The following PUM1 variants were observed in gnomAD, a reference collection of about 807,000 sequenced individuals.
The protein encoded by PUM1 is pumilio homolog 1.
A neutral mutation model predicts 131.8 loss-of-function variants in PUM1; 13 were observed. The observed-to-expected ratio is 0.10, with a 90% confidence interval of 0.06 to 0.16. PUM1 has a LOEUF of 0.16. Among genes scored for constraint, PUM1 ranks in the 10% least tolerant of loss-of-function variants. PUM1 has a pLI of 1.00. For synonymous variants in PUM1, 509 were observed against 556.5 expected, an observed-to-expected ratio of 0.91 and a Z score of 1.20; for missense variants, 961 against 1,512.4, an observed-to-expected ratio of 0.64 and a Z score of 6.05.
intron 5 of PUM1, among the ~76,000 whole-genome samples, chr1:30,998,427 T>C (rs1268410781): frequency 6.6e-6 from 1 of 151,950 alleles, no homozygotes; most frequent in Non-Finnish European, 1.5e-5. Context: ...GGTTGAGGCC[T>C]AGAGTTCAAG....
At chr1:30,990,541 C>T (rs1641747687) in intron 7 of PUM1, among the ~76,000 whole-genome samples, 2 of 151,418 alleles carry the variant, frequency 1.3e-5, no homozygotes, top group Admixed American at 1.3e-4. Context: ...CACCAATTTC[C>T]AATAGAAAAG....
rs886307459 is a variant in PUM1 at position 30,932,612 on chromosome 1, G to C, written c.*599C>G. The C allele has an allele frequency of 6.8e-6, 1 of 146,528 alleles. No homozygotes were observed. The highest frequency in any genetic ancestry group is 1.5e-5 in the Non-Finnish European group (1 of 66,980). The allele number at this position is 146,528 out of a possible 1,614,324, so 9.1% of individuals were successfully genotyped here. A position where few individuals can be genotyped will look rare whatever the true frequency, so the allele number is the denominator to read the frequency against. ...CATAAACTTAATGTCACAAACTGAA[G>C]CTTTAGCAACTCTGAAACCTTTTTC... On this transcript the variant is annotated 3_prime_UTR_variant, in exon 22 of 22. Coordinates refer to ENST00000426105, the MANE Select transcript of PUM1 (RefSeq NM_001020658.2).
chr1:31,052,203 A>G (rs539009207), intron 2 of PUM1, among the ~76,000 whole-genome samples: 6 of 151,858 alleles, frequency 4.0e-5, no homozygotes, highest in Admixed American at 3.9e-4. Context: ...TAGTAGAGAC[A>G]GGGTTTCACC....
chr1:31,033,861 G>A (rs377496922), intron 2 of PUM1, among the ~76,000 whole-genome samples: 7 of 152,110 alleles, frequency 4.6e-5, no homozygotes, highest in African/African-American at 1.4e-4. Context: ...ATCTAGGCTG[G>A]TTTTGAATTC....
At chr1:31,043,632 G>A (rs1643889463) in intron 2 of PUM1, among the ~76,000 whole-genome samples, 2 of 152,288 alleles carry the variant, frequency 1.3e-5, no homozygotes, top group East Asian at 3.9e-4. Context: ...GTCACCAGCA[G>A]ATCAATCAAC....
intron 6 of PUM1, among the ~76,000 whole-genome samples, chr1:30,993,371 T>C (rs966719725): frequency 1.3e-5 from 2 of 149,220 alleles, no homozygotes; most frequent in South Asian, 2.1e-4. Context: ...CAGGGCACTA[T>C]TGATAATTAT....
chr1:30,936,432 T>A (rs1007007544), intron 21 of PUM1, among the ~76,000 whole-genome samples: 1 of 152,180 alleles, frequency 6.6e-6, no homozygotes, highest in African/African-American at 2.4e-5. Flanking sequence ...TAGCTTAAGA[T>A]TCTCATACCA....
Position 30,946,771 on chromosome 1 carries a change from A to G in PUM1, c.2857-1288T>C, listed in dbSNP as rs770535273. ...TTGCACACTGTATTAAAGAATTTCTACATGGCACACAGCCATAATCCCAGC... is the reference window on the plus strand; with the variant it reads ...TTGCACACTGTATTAAAGAATTTCTGCATGGCACACAGCCATAATCCCAGC... On this transcript the variant is annotated intron_variant, in intron 17 of 21. Coordinates refer to ENST00000426105, the MANE Select transcript of PUM1 (RefSeq NM_001020658.2). Among the ~76,000 whole-genome samples the G allele has an allele frequency of 3.9e-4, 59 of 151,956 alleles. 1 individual carries two copies. The highest frequency in any genetic ancestry group is 1.0e-4 in the Non-Finnish European group (7 of 67,998).
chr1:31,064,845 A>G (rs538248419), intron 1 of PUM1, among the ~76,000 whole-genome samples: 7 of 150,784 alleles, frequency 4.6e-5, no homozygotes, highest in Non-Finnish European at 7.4e-5. Flanking sequence ...CTGACAAGTA[A>G]AACAAATGAT....
chr1:31,039,990 AAAT>A (rs893803813), intron 2 of PUM1, among the ~76,000 whole-genome samples: 3 of 152,192 alleles, frequency 2.0e-5, no homozygotes, highest in Admixed American at 6.5e-5. Context: ...TCCATCTCAA[AAAT>A]AATAATAATA....
chr1:31,065,008 C>G (rs1374827992), intron 1 of PUM1, among the ~76,000 whole-genome samples: 2 of 152,080 alleles, frequency 1.3e-5, no homozygotes, highest in Non-Finnish European at 2.9e-5. Context: ...CAAGCTCACA[C>G]GGAAACAAAA....
In PUM1 at chr1:30,983,078, T is replaced by C. The variant is rs1641413627; in HGVS notation, c.1159-1673A>G. Among the ~76,000 whole-genome samples, 5 of 152,218 alleles carry C rather than the reference T, an allele frequency of 3.3e-5. No homozygotes were observed. In the South Asian group the frequency reaches 6.2e-4, roughly 19 times the overall value. ...ACAGACATTATCAAAACATTTGTCC[T>C]CCAGGAAGGGAGCCAGTCAAGACTA... On this transcript the variant is annotated intron_variant, in intron 7 of 21. Transcript: ENST00000426105.
chr1:31,005,527 C>T (rs995596563), intron 5 of PUM1, among the ~76,000 whole-genome samples: 2 of 152,098 alleles, frequency 1.3e-5, no homozygotes, highest in African/African-American at 2.4e-5. Flanking sequence ...TTCACCACCC[C>T]CCTTTTGCTT....
intron 2 of PUM1, among the ~76,000 whole-genome samples, chr1:31,046,852 T>C (rs1365502362): frequency 2.0e-5 from 3 of 151,978 alleles, no homozygotes; most frequent in Admixed American, 6.6e-5. Context: ...ACCCAACCTA[T>C]TGCCAATCAC....
In PUM1 at chr1:30,966,021, C is replaced by T. The variant is rs368549005; in HGVS notation, c.2047G>A (p.Ala683Thr). 6.2e-7 allele frequency: 1 copy of T among 1,613,938 alleles called. No homozygotes were observed. Among genetic ancestry groups the T allele is most frequent in the Non-Finnish European group, 8.5e-7 (1 of 1,179,972 alleles). ...CCTCCAAGGGCGGATCCCAGGGTGG[C>T]GCCGAGAGAACTGCTACTTCCGAAT... ...LGFGSSSSLG[A>T]TLGSALGGFG... Residue 683 changes from alanine (A) to threonine (T), a missense_variant, in exon 13 of 22, where the codon GCC (alanine) becomes ACC (threonine). Ala to Thr is a moderately conservative substitution (Grantham distance 58). Transcript: ENST00000426105.
At chr1:31,017,012 A>G (rs967707098) in intron 3 of PUM1, among the ~76,000 whole-genome samples, 2 of 152,222 alleles carry the variant, frequency 1.3e-5, no homozygotes, top group African/African-American at 4.8e-5. Flanking sequence ...GTATAGGACA[A>G]GATGAGGTAA....
At chr1:30,955,264 G>A (rs1349666627) in intron 14 of PUM1, among the ~76,000 whole-genome samples, 6 of 148,308 alleles carry the variant, frequency 4.0e-5, no homozygotes, top group African/African-American at 1.5e-4. Context: ...GACCATCCTG[G>A]CTAACACGGT....
chr1:31,030,213 A>C (rs868789942), intron 2 of PUM1, among the ~76,000 whole-genome samples: 11 of 152,134 alleles, frequency 7.2e-5, no homozygotes, highest in South Asian at 2.1e-4. Context: ...TGTCTCAAAA[A>C]AAAACAAAAC....
chr1:30,956,465 T>C (rs1003030786), intron 14 of PUM1, among the ~76,000 whole-genome samples: 2 of 152,160 alleles, frequency 1.3e-5, no homozygotes, highest in African/African-American at 2.4e-5. Flanking sequence ...GGTTTCACCA[T>C]GTTGGCCAGA....
Sources: allele counts gnomAD v4.1 joint callset (sites outside exome capture counted in the v4.1 genomes callset), GRCh38; gene constraint gnomAD v4.1.1; transcripts MANE v1.5; gene names NCBI Gene and HGNC (gene_info 2026-07-23, HGNC 2026-07-21).